KIF6: variants seen among roughly 807,000 people sequenced by gnomAD.
KIF6 encodes kinesin-like protein KIF6.
KIF6 carries 106 observed loss-of-function variants against 112.7 expected under a neutral mutation model. The ratio of observed to expected loss-of-function variants is 0.94; its 90% CI spans 0.80 to 1.11. KIF6 has a LOEUF of 1.11. Ranked by LOEUF, KIF6 falls within the 50% of genes least tolerant of loss-of-function variation. The pLI is 0.00. For missense variants in KIF6, 929 were observed against 964.0 expected (o/e 0.96, Z 0.48); for synonymous variants, 339 against 339.9 (o/e 1.00, Z 0.03).
At position 39,505,544 on chromosome 6, in the gene KIF6, T is replaced by G. The variant is rs527560586; in HGVS notation, c.1645+34459A>C. 1.4e-3 allele frequency among the ~76,000 whole-genome samples: 209 copies of G among 152,284 alleles called. 1 individual carries two copies. Among genetic ancestry groups the G allele is most frequent in the Non-Finnish European group, 2.0e-3 (136 of 68,008 alleles). On this transcript the variant is annotated intron_variant, in intron 13 of 22. Coordinates refer to ENST00000287152, the MANE Select transcript of KIF6 (RefSeq NM_145027.6). ...ACAGCTTCTGCACAGCAAAAGAAAC[T>G]ATCATCAGAGTAAACAGACAACCTA...
Position 39,639,587 on chromosome 6 carries a change from G to A in KIF6, c.399+23C>T, listed in dbSNP as rs1185092859. The A allele has an allele frequency of 3.9e-6, 6 of 1,524,084 alleles. No homozygotes were observed. The East Asian group carries it at 1.4e-4, about 36-fold the overall frequency. The allele number at this position is 1,524,084 out of a possible 1,614,324, so 94.4% of individuals were successfully genotyped here. A position where few individuals can be genotyped will look rare whatever the true frequency, so the allele number is the denominator to read the frequency against. On this transcript the variant is annotated intron_variant, in intron 4 of 22. Coordinates refer to ENST00000287152, the MANE Select transcript of KIF6 (RefSeq NM_145027.6). Reference sequence around the variant, plus strand: ...TTGCTGAATATATCAAATACAAAATGATATGAACGAAAAGTTTCATACCTT... The same window carrying A: ...TTGCTGAATATATCAAATACAAAATAATATGAACGAAAAGTTTCATACCTT...
Position 39,572,897 on chromosome 6 carries a change from G to C in KIF6, c.1181+5159C>G, listed in dbSNP as rs188229501. On this transcript the variant is annotated intron_variant, in intron 10 of 22. Transcript: ENST00000287152. ...AATCCTCTTAAATTAAAGCATCCAA[G>C]TCCATGCAACAAATATTTACATTAA... 8.6e-5 allele frequency among the ~76,000 whole-genome samples: 13 copies of C among 150,684 alleles called. No homozygotes were observed. The Admixed American group carries it at 8.6e-4, about 10-fold the overall frequency.
At chr6:39,399,747 T>C (rs557042822) in intron 15 of KIF6, among the ~76,000 whole-genome samples, 21 of 152,360 alleles carry the variant, frequency 1.4e-4, no homozygotes, top group African/African-American at 5.0e-4. Flanking sequence ...GCTGGAAGCC[T>C]ATGGGTCAAA....
chr6:39,536,873 G>A (rs1372809723), intron 13 of KIF6, among the ~76,000 whole-genome samples: 28 of 151,994 alleles, frequency 1.8e-4, no homozygotes, highest in East Asian at 9.7e-4. Context: ...CACCATGATC[G>A]AGTGGGCTTC....
At chr6:39,464,220 T>G (rs1283019628) in intron 13 of KIF6, among the ~76,000 whole-genome samples, 2 of 152,158 alleles carry the variant, frequency 1.3e-5, no homozygotes, top group Admixed American at 6.5e-5. Context: ...TGCTCAGAGC[T>G]GAGCAGTGGA....
At position 39,343,213 on chromosome 6, in the gene KIF6, A is replaced by T; in HGVS notation, c.2428+496T>A. 1.6e-6 allele frequency: 2 copies of T among 1,220,554 alleles called. No individual in the cohort carries two copies. Among genetic ancestry groups the T allele is most frequent in the East Asian group, 1.1e-4 (2 of 17,478 alleles). 75.6% of individuals were successfully genotyped at this position (1,220,554 alleles called of 1,614,324 possible). On this transcript the variant is annotated intron_variant, in intron 22 of 22. Transcript: ENST00000287152. This position sits in a 1 kb window ranked among gnomAD's most constrained non-coding sequence, Gnocchi z 4.1. ...TTCTCTTCCTGTTGTCTGACACGCC[A>T]CTCTTACTTCCTCTGTGATTGTTAT... is the stretch of plus-strand genomic sequence containing the variant.
At chr6:39,550,764 C>G (rs1779329921) in intron 10 of KIF6, among the ~76,000 whole-genome samples, 1 of 152,222 alleles carries the variant, frequency 6.6e-6, no homozygotes, top group African/African-American at 2.4e-5. Context: ...ATCTGCCTCA[C>G]TGCTCTAAAT....
intron 3 of KIF6, among the ~76,000 whole-genome samples, chr6:39,666,655 G>A (rs1479264050): frequency 6.6e-6 from 1 of 152,196 alleles, no homozygotes; most frequent in African/African-American, 2.4e-5. Flanking sequence ...AAGTTGCTGA[G>A]CTTCTCGAAT....
intron 3 of KIF6, among the ~76,000 whole-genome samples, chr6:39,713,036 T>C (rs891003333): frequency 2.6e-5 from 4 of 152,140 alleles, no homozygotes; most frequent in Non-Finnish European, 5.9e-5. Flanking sequence ...CAATTTTAAA[T>C]AAGGTACTGC....
chr6:39,513,372 CCA>C (rs1249003055), intron 13 of KIF6, among the ~76,000 whole-genome samples: 2 of 152,188 alleles, frequency 1.3e-5, no homozygotes, highest in Non-Finnish European at 2.9e-5. Context: ...TGCTCAGTCC[CCA>C]CTCACCACAA....
intron 13 of KIF6, among the ~76,000 whole-genome samples, chr6:39,525,521 G>A (rs1777666992): frequency 6.6e-6 from 1 of 152,160 alleles, no homozygotes; most frequent in Admixed American, 6.6e-5. Flanking sequence ...TTGGGAGGCT[G>A]AGGCAGATGG....
chr6:39,613,325 A>G lies in KIF6; in HGVS notation c.510-7T>C. On this transcript the variant is annotated splice_region_variant and splice_polypyrimidine_tract_variant and intron_variant, in intron 5 of 22. Coordinates refer to ENST00000287152, the MANE Select transcript of KIF6 (RefSeq NM_145027.6). ...CTCCAGTATTGTCACTTTCCTAAGC[A>G]AATGGGAAGCAAGAAAACAAGGTAC... 6.4e-7 allele frequency: 1 copy of G among 1,565,024 alleles called. No homozygotes were observed. The highest frequency in any genetic ancestry group is 8.6e-7 in the Non-Finnish European group (1 of 1,161,138).
At chr6:39,353,189 A>C (rs1764389063) in intron 19 of KIF6, among the ~76,000 whole-genome samples, 1 of 152,206 alleles carries the variant, frequency 6.6e-6, no homozygotes, top group Non-Finnish European at 1.5e-5. Flanking sequence ...TCCCTCTAGC[A>C]ATGAACGAGA....
intron 3 of KIF6, among the ~76,000 whole-genome samples, chr6:39,695,977 T>C (rs747962248): frequency 1.8e-4 from 27 of 152,156 alleles, no homozygotes; most frequent in Non-Finnish European, 3.8e-4. Context: ...TAAAAAAGAA[T>C]GAAATCATGT....
chr6:39,601,867 C>G (rs1582243887), intron 6 of KIF6, among the ~76,000 whole-genome samples: 1 of 152,038 alleles, frequency 6.6e-6, no homozygotes, highest in African/African-American at 2.4e-5. Flanking sequence ...TATTCTCATC[C>G]AAACAATGTG....
At chr6:39,498,525 T>G (rs1034663143) in intron 13 of KIF6, among the ~76,000 whole-genome samples, 5 of 152,204 alleles carry the variant, frequency 3.3e-5, no homozygotes, top group Non-Finnish European at 7.3e-5. Context: ...AAGGGCAGGA[T>G]AGTAGATTTT....
intron 15 of KIF6, among the ~76,000 whole-genome samples, chr6:39,401,576 G>A (rs529569830): frequency 3.9e-5 from 6 of 152,164 alleles, no homozygotes; most frequent in Admixed American, 1.3e-4. Context: ...AGGGAGCTGG[G>A]GTACGTATAC....
At chr6:39,635,258 A>G (rs1947644) in intron 4 of KIF6, among the ~76,000 whole-genome samples, 5,886 of 152,172 alleles carry the variant, frequency 0.039, 331 homozygotes, top group African/African-American at 0.13. Context: ...GCAGAACTGT[A>G]TAACACACCA....
chr6:39,449,287 C>A (rs1459768213), intron 13 of KIF6, among the ~76,000 whole-genome samples: 2 of 152,238 alleles, frequency 1.3e-5, no homozygotes, highest in East Asian at 1.9e-4. Flanking sequence ...TATACCCCAA[C>A]CTCCTCAGCC....
Sources: allele counts gnomAD v4.1 joint callset (sites outside exome capture counted in the v4.1 genomes callset), GRCh38; gene constraint gnomAD v4.1.1; non-coding constraint Gnocchi (gnomAD v3.1); transcripts MANE v1.5; gene names NCBI Gene and HGNC (gene_info 2026-07-23, HGNC 2026-07-21).